Variants in PROSER3 observed in about 807,000 individuals in gnomAD.
PROSER3 encodes the protein proline and serine rich 3.
Under a neutral mutation model 50.2 loss-of-function variants are expected in PROSER3, and 33 were observed. The observed-to-expected ratio is 0.66, with a 90% CI of 0.50 to 0.88. The LOEUF (loss-of-function observed/expected upper bound fraction) is 0.88. PROSER3 is among the 40% of genes least tolerant of loss of function. The pLI, the probability that PROSER3 is intolerant of heterozygous loss-of-function variation, is 0.00. For synonymous variants in PROSER3, 266 were observed against 259.3 expected, an observed-to-expected ratio of 1.03 and a Z score of -0.25; for missense variants, 623 against 612.7, an observed-to-expected ratio of 1.02 and a Z score of -0.18.
intron 5 of PROSER3, among the ~76,000 whole-genome samples, chr19:35,763,823 T>A (rs1215117013): frequency 1.3e-5 from 2 of 149,174 alleles, no homozygotes; most frequent in Non-Finnish European, 3.0e-5. Flanking sequence ...TTTTTTTTTT[T>A]AATTAGATAG....
chr19:35,758,385 A>G, intron 1 of PROSER3, 159 bp downstream of exon 1: 1 of 958,628 alleles, frequency 1.0e-6, no homozygotes, highest in Non-Finnish European at 1.4e-6. Context: ...TGGCCTCTCC[A>G]GCCGTAGCCG....
At chr19:35,763,929 A>AG (rs113111184) in intron 5 of PROSER3, among the ~76,000 whole-genome samples, 21,213 of 151,346 alleles carry the variant, frequency 0.14, 1,631 homozygotes, top group Middle Eastern at 0.32. Flanking sequence ...CTGGGACTAC[A>AG]GCATGCGCCA....
At chr19:35,763,566 C>T (rs1392973555) in intron 5 of PROSER3, among the ~76,000 whole-genome samples, 6 of 143,054 alleles carry the variant, frequency 4.2e-5, no homozygotes, top group African/African-American at 1.1e-4. Flanking sequence ...TGCAGTGGCG[C>T]GATCTCGGCT....
At chr19:35,758,260 G>T in intron 1 of PROSER3, 34 bp downstream of exon 1, 3 of 1,558,028 alleles carry the variant, frequency 1.9e-6, no homozygotes, top group Non-Finnish European at 2.6e-6. Flanking sequence ...GACTACAGGA[G>T]GCTGGGGAGG....
chr19:35,765,285 A>G, intron 7 of PROSER3, 109 bp downstream of exon 7: 1 of 1,344,672 alleles, frequency 7.4e-7, no homozygotes, highest in Non-Finnish European at 1.0e-6. Flanking sequence ...CTCCAGCTGT[A>G]AAACAGGGAT....
chr19:35,770,203 A>AT (rs1194479324), downstream of PROSER3, among the ~76,000 whole-genome samples: 2 of 151,688 alleles, frequency 1.3e-5, no homozygotes, highest in African/African-American at 2.4e-5. Context: ...ATGCCTGGCA[A>AT]TTTTTTGTAT....
rs529137647 is a variant in PROSER3, at chr19:35,761,352, A to T, written c.312-667A>T. Among the ~76,000 whole-genome samples, 3 of 152,256 alleles carry T rather than the reference A, an allele frequency of 2.0e-5. No individual in the cohort carries two copies. The South Asian group carries it at 6.2e-4, about 32-fold the overall frequency. On this transcript the variant is annotated intron_variant, in intron 3 of 10. Transcript: ENST00000396908. Reference sequence around the variant, plus strand: ...GGAGTTCCTGACCAGCCTGGGCAACATGGCAAGACCCCGTTTCTACTAAAA... The same window carrying T: ...GGAGTTCCTGACCAGCCTGGGCAACTTGGCAAGACCCCGTTTCTACTAAAA...
At chr19:35,762,547 A>G (rs1970990339) in intron 5 of PROSER3, 191 bp downstream of exon 5, 2 of 82,974 alleles carry the variant, frequency 2.4e-5, no homozygotes, top group Admixed American at 2.1e-4. Flanking sequence ...TGCCTCTACT[A>G]AAAAAAAAAA....
Position 35,766,643 on chromosome 19 carries a change from A to G in PROSER3, c.770-125A>G, listed in dbSNP as rs907314833. On this transcript the variant is annotated intron_variant, in intron 7 of 10. Coordinates refer to ENST00000396908, the Ensembl canonical transcript of PROSER3. ...CTTCCCACCCCAGAGAGGAGCTGGG[A>G]CAGTATCTGGAGAGCCTGTCTGAGT... is the stretch of plus-strand genomic sequence containing the variant. 19 of 652,598 alleles carry G rather than the reference A, an allele frequency of 2.9e-5. 1 individual carries two copies. In the East Asian group the frequency reaches 5.5e-4, roughly 19 times the overall value. 40.4% of individuals were successfully genotyped at this position (652,598 alleles called of 1,614,324 possible). A position where few individuals can be genotyped will look rare whatever the true frequency, so the allele number is the denominator to read the frequency against.
exon 11 of PROSER3, chr19:35,768,616 GA>G: frequency 6.7e-7 from 1 of 1,495,826 alleles, no homozygotes; most frequent in Non-Finnish European, 8.8e-7. Flanking sequence ...TTATCTGTGA[GA>G]AAGGGGTTGT....
intron 2 of PROSER3, 150 bp from the exon 3 acceptor site, chr19:35,759,639 C>G: frequency 1.0e-6 from 1 of 985,226 alleles, no homozygotes; most frequent in East Asian, 2.6e-5. Context: ...CCTGGATTCC[C>G]CATCTGAGCC....
Position 35,767,802 on chromosome 19 carries a change from A to G in PROSER3, c.958-2A>G. On this transcript the variant is annotated splice_acceptor_variant, in intron 8 of 10. Coordinates refer to ENST00000396908, the Ensembl canonical transcript of PROSER3. LOFTEE classifies it high-confidence loss of function. ...CCATCTGAATCCCAGTGTCGGGCCAAGGCCGAGTCTCTGAAAGCCAAGGCC... is the reference window on the plus strand; with the variant it reads ...CCATCTGAATCCCAGTGTCGGGCCAGGGCCGAGTCTCTGAAAGCCAAGGCC... 1.2e-6 allele frequency: 2 copies of G among 1,610,962 alleles called. No homozygotes were observed. The highest frequency in any genetic ancestry group is 1.7e-6 in the Non-Finnish European group (2 of 1,178,278).
chr19:35,764,768 C>T, intron 5 of PROSER3, 86 bp from the exon 6 acceptor site: 1 of 1,249,648 alleles, frequency 8.0e-7, no homozygotes, highest in Non-Finnish European at 1.1e-6. Flanking sequence ...AAGGGCAGTA[C>T]AACCTGCATT....
chr19:35,771,098 C>T (rs1356828930), downstream of PROSER3: 1 of 151,664 alleles, frequency 6.6e-6, no homozygotes, highest in African/African-American at 2.4e-5. Context: ...TTGAGACTAC[C>T]CTGGGCAACA....
exon 10 of PROSER3, chr19:35,768,224 G>A: frequency 6.2e-7 from 1 of 1,612,794 alleles, no homozygotes; most frequent in Non-Finnish European, 8.5e-7. Flanking sequence ...GCAGAGCTGA[G>A]TCGGCAGAAA....
chr19:35,759,706 A>C lies in PROSER3; in HGVS notation c.109-83A>C, dbSNP rs1970889908. 1.9e-5 allele frequency: 25 copies of C among 1,325,246 alleles called. No individual in the cohort carries two copies. In the South Asian group the frequency reaches 3.2e-4, roughly 17 times the overall value. The allele number at this position is 1,325,246 out of a possible 1,614,324, so 82.1% of individuals were successfully genotyped here. The stretch of plus-strand genomic sequence containing the variant: ...TGTGTTTCCTCCCCTCTGGACTGAG[A>C]CTTTGTGTGTGTCCTGGTTCCCCTG... On this transcript the variant is annotated intron_variant, in intron 2 of 10. Transcript: ENST00000396908.
At chr19:35,767,009 AGG>A (rs1971168702) in intron 8 of PROSER3, 54 bp downstream of exon 8, 2 of 1,487,116 alleles carry the variant, frequency 1.3e-6, no homozygotes, top group Non-Finnish European at 1.8e-6. Flanking sequence ...GCTGGGTCTG[AGG>A]GGGACTGAGG....
chr19:35,766,590 C>T (rs1354586219), intron 7 of PROSER3, among the ~76,000 whole-genome samples, 178 bp from the exon 8 acceptor site: 1 of 151,978 alleles, frequency 6.6e-6, no homozygotes, highest in Non-Finnish European at 1.5e-5. Flanking sequence ...CAGGAGTGCT[C>T]GCTCCCCTGA....
intron 8 of PROSER3, chr19:35,767,311 CACCCTAGCACATCTGGGCTCT>C (rs902733357): frequency 3.4e-6 from 1 of 294,956 alleles, no homozygotes; most frequent in African/African-American, 2.2e-5. Context: ...AGCAGGCCTC[CACCCTAGCACATCTGGGCTCT>C]ACCCTCGCGC....
Sources: gnomAD v4.1 joint callset for allele counts (sites outside exome capture counted in the v4.1 genomes callset) on GRCh38, gnomAD v4.1.1 for gene constraint, MANE v1.5 for transcripts, NCBI Gene and HGNC (gene_info 2026-07-23, HGNC 2026-07-21) for gene names.